ONECUT2: variants seen among roughly 807,000 people sequenced by gnomAD.
ONECUT2 encodes one cut homeobox 2.
A neutral mutation model predicts 27.9 loss-of-function variants in ONECUT2; 10 were observed. That is an observed-to-expected ratio of 0.36 (90% confidence interval 0.22 to 0.61). ONECUT2 has a LOEUF of 0.61. Among genes scored for constraint, ONECUT2 ranks in the 20% least tolerant of loss-of-function variants. The pLI is 0.73. For missense variants in ONECUT2, 686 were observed against 721.0 expected, an observed-to-expected ratio of 0.95 and a Z score of 0.56; for synonymous variants, 334 against 315.1, an observed-to-expected ratio of 1.06 and a Z score of -0.64.
In ONECUT2 at chr18:57,491,221, C is replaced by A. The variant is rs1015109719; in HGVS notation, c.*14498C>A. 1.3e-5 allele frequency: 2 copies of A among 152,326 alleles called. No individual in the cohort carries two copies. The highest frequency in any genetic ancestry group is 4.8e-5 in the African/African-American group (2 of 41,424). 9.4% of individuals were successfully genotyped at this position (152,326 alleles called of 1,614,324 possible). A position where few individuals can be genotyped will look rare whatever the true frequency, so the allele number is the denominator to read the frequency against. Reference sequence around the variant, plus strand: ...CAACATCGCTTACACTGGATTCTTTCTATTTTTATTCCTATCATTAAATGG... The same window carrying A: ...CAACATCGCTTACACTGGATTCTTTATATTTTTATTCCTATCATTAAATGG... On this transcript the variant is annotated 3_prime_UTR_variant, in exon 2 of 2. Transcript: ENST00000491143.
In ONECUT2 at chr18:57,483,337, T is replaced by G. The variant is rs182763497; in HGVS notation, c.*6614T>G. 6.5e-5 allele frequency: 10 copies of G among 152,682 alleles called. No individual in the cohort carries two copies. Among genetic ancestry groups the G allele is most frequent in the Non-Finnish European group, 1.3e-4 (9 of 68,018 alleles). The allele number at this position is 152,682 out of a possible 1,614,324, so 9.5% of individuals were successfully genotyped here. Reference sequence around the variant, plus strand: ...GAAAGTTTTAGAGGTTATAATTTCCTGCTTTGTTTTTATTTAGACTATCAA... The same window carrying G: ...GAAAGTTTTAGAGGTTATAATTTCCGGCTTTGTTTTTATTTAGACTATCAA... On this transcript the variant is annotated 3_prime_UTR_variant, in exon 2 of 2. Transcript: ENST00000491143.
intron 1 of ONECUT2, among the ~76,000 whole-genome samples, chr18:57,463,659 T>A (rs1051501009): frequency 3.3e-5 from 5 of 152,204 alleles, no homozygotes; most frequent in Non-Finnish European, 7.3e-5. Context: ...GTTTTGTAGT[T>A]TTCCCTGTCA....
intron 1 of ONECUT2, among the ~76,000 whole-genome samples, chr18:57,442,534 C>T (rs547299792): frequency 4.4e-4 from 67 of 152,148 alleles, no homozygotes; most frequent in African/African-American, 8.9e-4. Context: ...AGTGCCCTAC[C>T]GGACCCTTTT....
chr18:57,476,829 G>C lies in ONECUT2; in HGVS notation c.*106G>C, dbSNP rs2122154527. 1.6e-6 allele frequency: 2 copies of C among 1,255,232 alleles called. No individual in the cohort carries two copies. Among genetic ancestry groups the C allele is most frequent in the Non-Finnish European group, 2.2e-6 (2 of 917,530 alleles). The allele number at this position is 1,255,232 out of a possible 1,614,324, so 77.8% of individuals were successfully genotyped here. A position where few individuals can be genotyped will look rare whatever the true frequency, so the allele number is the denominator to read the frequency against. ...GGATTCCTAGCTGGGGCCCTTCACT[G>C]GTGATTTGAAAGCACAATTCTCTTG... On this transcript the variant is annotated 3_prime_UTR_variant, in exon 2 of 2. Coordinates refer to ENST00000491143, the MANE Select transcript of ONECUT2 (RefSeq NM_004852.3).
chr18:57,464,470 GT>G (rs1199490030), intron 1 of ONECUT2, among the ~76,000 whole-genome samples: 3 of 150,532 alleles, frequency 2.0e-5, no homozygotes, highest in African/African-American at 7.3e-5. Context: ...TTTTGTTTTT[GT>G]TTTTGTTTTT....
At position 57,435,639 on chromosome 18, in the gene ONECUT2, C is replaced by T. The variant is rs1031164788; in HGVS notation, c.-78C>T. 1 of 993,512 alleles carries T rather than the reference C, an allele frequency of 1.0e-6. No homozygotes were observed. Among genetic ancestry groups the T allele is most frequent in the Non-Finnish European group, 1.2e-6 (1 of 833,170 alleles). 61.5% of individuals were successfully genotyped at this position (993,512 alleles called of 1,614,324 possible). On this transcript the variant is annotated 5_prime_UTR_variant, in exon 1 of 2. Transcript: ENST00000491143. ...CCGCGCCCGCCCCCACTCCCGCAGCCGAGCCCCGCCACGCGCGCCTTGCCC... is the reference window on the plus strand; with the variant it reads ...CCGCGCCCGCCCCCACTCCCGCAGCTGAGCCCCGCCACGCGCGCCTTGCCC...
Position 57,481,752 on chromosome 18 carries a change from G to A in ONECUT2, c.*5029G>A, listed in dbSNP as rs1424700894. ...TTTAAAATCTAAGAAGAAAAGGCCT[G>A]TTTCCAATGTTGTTGAAGAATAATG... On this transcript the variant is annotated 3_prime_UTR_variant, in exon 2 of 2. Coordinates refer to ENST00000491143, the MANE Select transcript of ONECUT2 (RefSeq NM_004852.3). 1 of 152,176 alleles carries A rather than the reference G, an allele frequency of 6.6e-6. No homozygotes were observed. The highest frequency in any genetic ancestry group is 1.9e-4 in the East Asian group (1 of 5,204). The allele number at this position is 152,176 out of a possible 1,614,324, so 9.4% of individuals were successfully genotyped here.
At chr18:57,444,575 C>G (rs2050191893) in intron 1 of ONECUT2, 1 of 380,562 alleles carries the variant, frequency 2.6e-6, no homozygotes, top group Non-Finnish European at 5.2e-6. Context: ...GGGTGAGGTT[C>G]TGGGCTTTGC....
At chr18:57,454,163 C>T (rs1183943052) in intron 1 of ONECUT2, among the ~76,000 whole-genome samples, 2 of 152,100 alleles carry the variant, frequency 1.3e-5, no homozygotes, top group Non-Finnish European at 2.9e-5. Context: ...TTCTTTATGG[C>T]TTTGCCTCTA....
rs145871024 is a variant in ONECUT2 at position 57,458,555 on chromosome 18, C to A, written c.1229-17882C>A. On this transcript the variant is annotated intron_variant, in intron 1 of 1. Transcript: ENST00000491143. Reference sequence around the variant, plus strand: ...CTTCTACATATAAATGAGGTTCTTGCAACCCACATTTATTGCATAGTGTCC... The same window carrying A: ...CTTCTACATATAAATGAGGTTCTTGAAACCCACATTTATTGCATAGTGTCC... Among the ~76,000 whole-genome samples, 660 of 152,292 alleles carry A rather than the reference C, an allele frequency of 4.3e-3. 4 individuals carry two copies. Among genetic ancestry groups the A allele is most frequent in the African/African-American group, 0.014 (590 of 41,554 alleles).
Position 57,489,962 on chromosome 18 carries a change from C to T in ONECUT2, c.*13239C>T, listed in dbSNP as rs927170702. ...TAATTCGTATCTTCGATCACCTAAC[C>T]TTTCTCAATCCAAGAGCAGTTCAGT... is the stretch of plus-strand genomic sequence containing the variant. On this transcript the variant is annotated 3_prime_UTR_variant, in exon 2 of 2. Coordinates refer to ENST00000491143, the MANE Select transcript of ONECUT2 (RefSeq NM_004852.3). 6.6e-6 allele frequency: 1 copy of T among 152,168 alleles called. No individual in the cohort carries two copies. Among genetic ancestry groups the T allele is most frequent in the Non-Finnish European group, 1.5e-5 (1 of 68,024 alleles). The allele number at this position is 152,168 out of a possible 1,614,324, so 9.4% of individuals were successfully genotyped here. A position where few individuals can be genotyped will look rare whatever the true frequency, so the allele number is the denominator to read the frequency against.
At chr18:57,463,971 G>A (rs1239355331) in intron 1 of ONECUT2, among the ~76,000 whole-genome samples, 1 of 148,224 alleles carries the variant, frequency 6.7e-6, no homozygotes, top group Admixed American at 6.8e-5. Flanking sequence ...AAAATCTTGA[G>A]TTTTCTAGGT....
intron 1 of ONECUT2, chr18:57,444,553 C>T (rs1233592450): frequency 4.9e-6 from 2 of 411,106 alleles, no homozygotes; most frequent in Non-Finnish European, 9.7e-6. Context: ...AGCTTGGAGT[C>T]CCCACCCCCC....
In ONECUT2 at chr18:57,476,462, A is replaced by G; in HGVS notation, c.1254A>G (p.Pro418=). 6.2e-7 allele frequency: 1 copy of G among 1,614,234 alleles called. No individual in the cohort carries two copies. The highest frequency in any genetic ancestry group is 2.2e-5 in the East Asian group (1 of 44,880). ...CGTGCAAACGCAAAGAGCAAGAACC[A>G]AACAAAGACAGGAACAATTCCCAGA... ...LAACKRKEQE[P]NKDRNNSQKK... Residue 418 remains proline (P), a synonymous_variant, in exon 2 of 2, where the codon CCA becomes CCG. Coordinates refer to ENST00000491143, the MANE Select transcript of ONECUT2 (RefSeq NM_004852.3).
At position 57,452,515 on chromosome 18, in the gene ONECUT2, A is replaced by G. The variant is rs185405881; in HGVS notation, c.1228+15571A>G. ...TCTTGGCTCACTGCAACCTCCACCTACTGGGTTCAAGCTACTCTCCTGCCT... is the reference window on the plus strand; with the variant it reads ...TCTTGGCTCACTGCAACCTCCACCTGCTGGGTTCAAGCTACTCTCCTGCCT... On this transcript the variant is annotated intron_variant, in intron 1 of 1. Coordinates refer to ENST00000491143, the MANE Select transcript of ONECUT2 (RefSeq NM_004852.3). 2.0e-3 allele frequency among the ~76,000 whole-genome samples: 308 copies of G among 152,180 alleles called. 4 individuals carry two copies. The highest frequency in any genetic ancestry group is 7.1e-3 in the African/African-American group (296 of 41,526).
chr18:57,467,323 T>C (rs575430369), intron 1 of ONECUT2: 30 of 375,970 alleles, frequency 8.0e-5, no homozygotes, highest in Non-Finnish European at 1.3e-4. Flanking sequence ...AGATTTGCCA[T>C]TGATCATCCA....
In ONECUT2 at chr18:57,479,251, G is replaced by A. The variant is rs2050402849; in HGVS notation, c.*2528G>A. 1 of 152,250 alleles carries A rather than the reference G, an allele frequency of 6.6e-6. No homozygotes were observed. Among genetic ancestry groups the A allele is most frequent in the Non-Finnish European group, 1.5e-5 (1 of 67,994 alleles). 9.4% of individuals were successfully genotyped at this position (152,250 alleles called of 1,614,324 possible). On this transcript the variant is annotated 3_prime_UTR_variant, in exon 2 of 2. Transcript: ENST00000491143. ...CCTAACAGGGCTTCATTTGGGGGTG[G>A]GGGGAAACATGTAAAAATAATTGCC...
At chr18:57,455,471 C>T (rs1429771776) in intron 1 of ONECUT2, among the ~76,000 whole-genome samples, 1 of 152,168 alleles carries the variant, frequency 6.6e-6, no homozygotes, top group East Asian at 1.9e-4. Flanking sequence ...ATTTCATATT[C>T]ATTAGTGTTT....
Position 57,479,645 on chromosome 18 carries a change from A to G in ONECUT2, c.*2922A>G, listed in dbSNP as rs894086803. 1 of 152,598 alleles carries G rather than the reference A, an allele frequency of 6.6e-6. No homozygotes were observed. The highest frequency in any genetic ancestry group is 1.5e-5 in the Non-Finnish European group (1 of 68,054). 9.5% of individuals were successfully genotyped at this position (152,598 alleles called of 1,614,324 possible). ...TTTATTTGTATTCGGAGTCATCTCTATTCTATCCCTCAGCCTCGATTAAGG... is the reference window on the plus strand; with the variant it reads ...TTTATTTGTATTCGGAGTCATCTCTGTTCTATCCCTCAGCCTCGATTAAGG... On this transcript the variant is annotated 3_prime_UTR_variant, in exon 2 of 2. Coordinates refer to ENST00000491143, the MANE Select transcript of ONECUT2 (RefSeq NM_004852.3).
Sources: allele counts gnomAD v4.1 joint callset (sites outside exome capture counted in the v4.1 genomes callset), GRCh38; gene constraint gnomAD v4.1.1; transcripts MANE v1.5; gene names NCBI Gene and HGNC (gene_info 2026-07-23, HGNC 2026-07-21).